The following RASA4B variants were observed in gnomAD, a reference collection of about 807,000 sequenced individuals.
RASA4B encodes ras GTPase-activating protein 4B.
RASA4B carries 2 observed loss-of-function variants against 24.2 expected under a neutral mutation model. The ratio of observed to expected loss-of-function variants is 0.08; its 90% CI spans 0.03 to 0.26. The LOEUF (loss-of-function observed/expected upper bound fraction) is 0.26, where lower values mean the gene tolerates loss of function less well. Among genes scored for constraint, RASA4B ranks in the 10% least tolerant of loss-of-function variants. The probability of loss-of-function intolerance (pLI) is 1.00; values close to 1 mark genes in which losing one functional copy is unlikely to be tolerated. For synonymous variants in RASA4B, 2 were observed against 125.6 expected (o/e 0.02, Z 6.58); for missense variants, 8 against 277.2 (o/e 0.03, Z 6.90).
rs1416810691 is a variant in RASA4B, at chr7:102,481,707, G to GA, written c.*1884dup. Among the ~76,000 whole-genome samples the GA allele has an allele frequency of 7.3e-6, 1 of 137,510 alleles. No homozygotes were observed. Among genetic ancestry groups the GA allele is most frequent in the Admixed American group, 7.8e-5 (1 of 12,804 alleles). The allele number at this position is 137,510 out of a possible 152,430, so 90.2% of individuals were successfully genotyped here. ...AAAATTATAAAGTTCCCCTTCATCT[G>GA]AAAATTGAATGTGATTTTAAACAAC... On this transcript the variant is annotated 3_prime_UTR_variant, in exon 21 of 21. Coordinates refer to ENST00000465829, the MANE Select transcript of RASA4B (RefSeq NM_001367767.2).
chr7:102,513,414 TGTAAC>T (rs1349221123), intron 1 of RASA4B, among the ~76,000 whole-genome samples: 2 of 123,756 alleles, frequency 1.6e-5, no homozygotes, highest in African/African-American at 5.6e-5. Flanking sequence ...AATGAATAAA[TGTAAC>T]AGCTATCTGG....
chr7:102,491,319 G>T (rs1798937732), intron 16 of RASA4B, among the ~76,000 whole-genome samples, 196 bp from the exon 17 acceptor site: 1 of 21,234 alleles, frequency 4.7e-5, no homozygotes, highest in African/African-American at 5.7e-5. Flanking sequence ...GCCTCTCTGG[G>T]GGGCACTCCC....
chr7:102,491,073 C>G lies in RASA4B; in HGVS notation c.1881G>C (p.Glu627Asp). Residue 627 changes from glutamate (E) to aspartate (D), a missense_variant, in exon 17 of 21, where the codon GAG becomes GAC. Transcript: ENST00000465829. ...LANIRAAEKV[E>D]EKSFGGSHVM... ...CGTGCGAGCCGCCAAAGCTCTTTTC[C>G]TCAACCTTTTCCGCTGCCCGGATGT... The G allele has an allele frequency of 1.7e-6, 1 of 579,520 alleles. No homozygotes were observed. The highest frequency in any genetic ancestry group is 2.9e-6 in the Non-Finnish European group (1 of 339,822). The allele number at this position is 579,520 out of a possible 1,614,324, so 35.9% of individuals were successfully genotyped here. A position where few individuals can be genotyped will look rare whatever the true frequency, so the allele number is the denominator to read the frequency against.
intron 8 of RASA4B, among the ~76,000 whole-genome samples, chr7:102,498,328 C>A (rs1799238775): frequency 6.7e-6 from 1 of 148,516 alleles, no homozygotes. Context: ...GTGGCGCGAT[C>A]TCGGCTCACT....
rs1474897204 is a variant in RASA4B, at chr7:102,511,386, A to C, written c.122+539T>G. Among the ~76,000 whole-genome samples, 2 of 94,046 alleles carry C rather than the reference A, an allele frequency of 2.1e-5. 1 individual carries two copies. The highest frequency in any genetic ancestry group is 7.4e-5 in the African/African-American group (2 of 26,970). The allele number at this position is 94,046 out of a possible 152,430, so 61.7% of individuals were successfully genotyped here. A position where few individuals can be genotyped will look rare whatever the true frequency, so the allele number is the denominator to read the frequency against. On this transcript the variant is annotated intron_variant, in intron 2 of 20. Transcript: ENST00000465829. ...TTGCCCAGCCTCGAGGGATATTACT[A>C]TGGGACTCTCAGGGGACAGGACCCA... is the stretch of plus-strand genomic sequence containing the variant.
intron 18 of RASA4B, among the ~76,000 whole-genome samples, chr7:102,487,106 T>G (rs1386632370): frequency 3.0e-5 from 1 of 33,766 alleles, no homozygotes; most frequent in African/African-American, 5.8e-5. Context: ...CTGAACAACA[T>G]AGCAAGACCC....
intron 16 of RASA4B, among the ~76,000 whole-genome samples, chr7:102,491,543 G>A (rs1374444689): frequency 5.1e-5 from 3 of 58,404 alleles, no homozygotes; most frequent in Non-Finnish European, 1.9e-4. Flanking sequence ...CGAGGAAGGC[G>A]GATCACCTGA....
chr7:102,513,230 C>G (rs1434937912), intron 1 of RASA4B, among the ~76,000 whole-genome samples: 3 of 146,348 alleles, frequency 2.0e-5, no homozygotes, highest in African/African-American at 7.4e-5. Flanking sequence ...ACTCACACTG[C>G]CTGCCCACTT....
intron 8 of RASA4B, among the ~76,000 whole-genome samples, chr7:102,498,631 C>T (rs1405175775): frequency 7.6e-6 from 1 of 132,306 alleles, no homozygotes; most frequent in African/African-American, 2.7e-5. Flanking sequence ...CTCACTGCAA[C>T]CTCCGTCTCC....
At chr7:102,500,497 A>C (rs1461939441) in intron 8 of RASA4B, among the ~76,000 whole-genome samples, 1 of 143,458 alleles carries the variant, frequency 7.0e-6, no homozygotes, top group Non-Finnish European at 1.6e-5. Context: ...TAAATAAATA[A>C]ATAATAAATA....
intron 6 of RASA4B, among the ~76,000 whole-genome samples, chr7:102,502,249 A>C (rs1211495297): frequency 2.6e-4 from 1 of 3,820 alleles, no homozygotes; most frequent in Admixed American, 2.7e-3. Context: ...GAGGACGCAA[A>C]GGCATAACAA....
At position 102,496,471 on chromosome 7, in the gene RASA4B, G is replaced by C. The variant is rs1799135642; in HGVS notation, c.1004C>G (p.Thr335Ser). 1.0e-6 allele frequency: 1 copy of C among 970,486 alleles called. No homozygotes were observed. The highest frequency in any genetic ancestry group is 1.6e-6 in the Non-Finnish European group (1 of 635,776). 60.1% of individuals were successfully genotyped at this position (970,486 alleles called of 1,614,324 possible). Residue 335 changes from threonine to serine, a missense_variant and splice_region_variant, in exon 10 of 21, where the codon ACC becomes AGC. Transcript: ENST00000465829. ...CCCAGCTCCTTCCCAGGCCTCACTG[G>C]TGCGACTCAGCTCCAGCTGGAAGAG... The part of the protein sequence containing the change: ...DLLFQLELSR[T>S]SETNTLFRSN...
rs1315637504 is a variant in RASA4B, at chr7:102,479,991, C to T, written c.*3601G>A. On this transcript the variant is annotated 3_prime_UTR_variant, in exon 21 of 21. Transcript: ENST00000465829. ...TAATCATTAGTTTGTAGTAATTATT[C>T]TTTATTCCAATATTATAATAATCCT... 3.9e-5 allele frequency among the ~76,000 whole-genome samples: 6 copies of T among 152,092 alleles called. No individual in the cohort carries two copies. The highest frequency in any genetic ancestry group is 5.9e-5 in the Non-Finnish European group (4 of 68,028).
intron 6 of RASA4B, among the ~76,000 whole-genome samples, chr7:102,502,759 CAAA>C (rs879529595): frequency 9.3e-6 from 1 of 107,610 alleles, no homozygotes; most frequent in African/African-American, 2.9e-5. Context: ...GACTTGGCCT[CAAA>C]AAAAAAAAAC....
intron 17 of RASA4B, among the ~76,000 whole-genome samples, chr7:102,489,524 T>C (rs1177484621): frequency 1.4e-5 from 2 of 142,472 alleles, no homozygotes; most frequent in East Asian, 2.5e-4. Flanking sequence ...GATGGAGTCT[T>C]GCTCTGTCAC....
chr7:102,489,915 G>A (rs1798866116), intron 17 of RASA4B, among the ~76,000 whole-genome samples: 1 of 117,460 alleles, frequency 8.5e-6, no homozygotes, highest in Non-Finnish European at 1.8e-5. Context: ...AGCCTCCCAA[G>A]TAGCTGGAAT....
At chr7:102,508,813 T>C (rs565839215) in intron 4 of RASA4B, among the ~76,000 whole-genome samples, 1 of 150,522 alleles carries the variant, frequency 6.6e-6, no homozygotes, top group East Asian at 2.0e-4. Flanking sequence ...ATTTATTTAT[T>C]TATTTATTTT....
chr7:102,489,384 CACAT>C, intron 17 of RASA4B: 1 of 322,044 alleles, frequency 3.1e-6, no homozygotes, highest in Admixed American at 4.7e-5. Flanking sequence ...TTACTTGTCC[CACAT>C]GTCCCTGCCC....
intron 5 of RASA4B, among the ~76,000 whole-genome samples, chr7:102,506,408 G>A (rs1329066087): frequency 6.6e-6 from 1 of 151,998 alleles, no homozygotes; most frequent in African/African-American, 2.4e-5. Context: ...CACCATGCCC[G>A]GCTAATTGTT....
Sources: allele counts gnomAD v4.1 joint callset (sites outside exome capture counted in the v4.1 genomes callset), GRCh38; gene constraint gnomAD v4.1.1; transcripts MANE v1.5; gene names NCBI Gene and HGNC (gene_info 2026-07-23, HGNC 2026-07-21).